LRP8: variants seen among roughly 807,000 people sequenced by gnomAD.
LRP8 encodes the protein low-density lipoprotein receptor-related protein 8.
A neutral mutation model predicts 111.6 loss-of-function variants in LRP8; 46 were observed. The observed-to-expected ratio is 0.41, with a 90% CI of 0.33 to 0.53. The LOEUF is 0.53. LRP8 is among the 20% of genes least tolerant of loss of function. The probability of loss-of-function intolerance (pLI) is 0.20; values close to 1 mark genes in which losing one functional copy is unlikely to be tolerated. For synonymous variants in LRP8, 464 were observed against 511.2 expected, an observed-to-expected ratio of 0.91 and a Z score of 1.24; for missense variants, 959 against 1,297.4, an observed-to-expected ratio of 0.74 and a Z score of 4.01.
At position 53,262,318 on chromosome 1, in the gene LRP8, C is replaced by T. The variant is rs528195207; in HGVS notation, c.1775-111G>A. 225 of 1,530,292 alleles carry T rather than the reference C, an allele frequency of 1.5e-4. No individual in the cohort carries two copies. In the African/African-American group the frequency reaches 1.6e-3, roughly 11 times the overall value. 94.8% of individuals were successfully genotyped at this position (1,530,292 alleles called of 1,614,324 possible). A position where few individuals can be genotyped will look rare whatever the true frequency, so the allele number is the denominator to read the frequency against. ...TAGGCCTCACACTGAGGCCAGCCTACGGCAACCATTAGGAAACAAAGTCAC... is the reference window on the plus strand; with the variant it reads ...TAGGCCTCACACTGAGGCCAGCCTATGGCAACCATTAGGAAACAAAGTCAC... On this transcript the variant is annotated intron_variant, in intron 11 of 18. Transcript: ENST00000306052. The surrounding 1 kb of genome is among the most constrained non-coding windows in gnomAD (Gnocchi z 4.8).
At position 53,266,566 on chromosome 1, in the gene LRP8, AG is replaced by A. The variant is rs1389071561; in HGVS notation, c.1333del (p.Leu445SerfsTer11). The A allele has an allele frequency of 6.2e-7, 1 of 1,614,178 alleles. No homozygotes were observed. The highest frequency in any genetic ancestry group is 1.3e-5 in the African/African-American group (1 of 75,040). Reference protein sequence around the residue: ...IDLVKRNYSRLIPMLKNVVAL... With the variant: ...IDLVKRNYSRXIPMLKNVVAL... ...CACGACATTCTTGAGCATGGGGATG[AG>A]GCGTGAATAGTTCCGCTTCACCAGG... On this transcript the variant is annotated frameshift_variant, in exon 9 of 19. Coordinates refer to ENST00000306052, the MANE Select transcript of LRP8 (RefSeq NM_004631.5). LOFTEE classifies it high-confidence loss of function. The surrounding 1 kb of genome is among the most constrained non-coding windows in gnomAD (Gnocchi z 5.0).
intron 2 of LRP8, among the ~76,000 whole-genome samples, chr1:53,290,530 G>T (rs1209083265): frequency 6.6e-6 from 1 of 152,152 alleles, no homozygotes; most frequent in Non-Finnish European, 1.5e-5. Flanking sequence ...CTGAAGGAAT[G>T]GGGTTCTGTG....
At chr1:53,324,290 T>G (rs1419684272) in intron 2 of LRP8, among the ~76,000 whole-genome samples, 1 of 152,188 alleles carries the variant, frequency 6.6e-6, no homozygotes, top group Non-Finnish European at 1.5e-5. Flanking sequence ...TGGCCTAGAA[T>G]GCGGGAAGGG....
chr1:53,319,904 C>T (rs1329159102), intron 2 of LRP8, among the ~76,000 whole-genome samples: 1 of 152,264 alleles, frequency 6.6e-6, no homozygotes, highest in Non-Finnish European at 1.5e-5. Context: ...CTGCAAGCCA[C>T]ACTTTACTGT....
chr1:53,285,766 C>T (rs1647444071), intron 3 of LRP8, among the ~76,000 whole-genome samples: 2 of 152,214 alleles, frequency 1.3e-5, no homozygotes, highest in African/African-American at 4.8e-5. Flanking sequence ...AGGACAGCCA[C>T]TCCCTCTGTG....
intron 2 of LRP8, among the ~76,000 whole-genome samples, chr1:53,311,671 T>C (rs554990119): frequency 6.0e-5 from 9 of 149,990 alleles, no homozygotes; most frequent in African/African-American, 2.2e-4. Flanking sequence ...TTCTCTTCCA[T>C]CTGTCTCCAT....
chr1:53,257,143 T>TTCAGCTCTGGTAGG lies in LRP8; in HGVS notation c.2434+83_2434+96dup, dbSNP rs1646123931. On this transcript the variant is annotated intron_variant, in intron 15 of 18. Coordinates refer to ENST00000306052, the MANE Select transcript of LRP8 (RefSeq NM_004631.5). ...GTAACCTCCTCAAAGATATGCAGTATTCAGCTCTGGTAGGTTCTGTCTTAT... is the reference window on the plus strand; with the variant it reads ...GTAACCTCCTCAAAGATATGCAGTATTCAGCTCTGGTAGGTCAGCTCTGGTAGGTTCTGTCTTAT... The TTCAGCTCTGGTAGG allele has an allele frequency of 4.6e-6, 5 of 1,090,176 alleles. No individual in the cohort carries two copies. The South Asian group carries it at 7.0e-5, about 15-fold the overall frequency. 67.5% of individuals were successfully genotyped at this position (1,090,176 alleles called of 1,614,324 possible). A position where few individuals can be genotyped will look rare whatever the true frequency, so the allele number is the denominator to read the frequency against.
intron 9 of LRP8, among the ~76,000 whole-genome samples, chr1:53,264,935 C>T (rs10736389): frequency 0.38 from 58,407 of 151,846 alleles, 11,989 homozygotes; most frequent in East Asian, 0.7. Context: ...TTGAGTACCA[C>T]GCCAAGGAAT....
Position 53,243,716 on chromosome 1 carries a change from GTC to G in LRP8, c.*3300_*3301del, listed in dbSNP as rs946567724. On this transcript the variant is annotated 3_prime_UTR_variant, in exon 19 of 19. Transcript: ENST00000306052. ...ATACCTCTGTGTTTTAGCTCGATGTGTCTCTGTCTGAAGCAGCTTGGAATCCC... is the reference window on the plus strand; with the variant it reads ...ATACCTCTGTGTTTTAGCTCGATGTGTCTGTCTGAAGCAGCTTGGAATCCC... The G allele has an allele frequency of 6.6e-6, 1 of 152,130 alleles. No homozygotes were observed. The highest frequency in any genetic ancestry group is 1.5e-5 in the Non-Finnish European group (1 of 68,048). 9.4% of individuals were successfully genotyped at this position (152,130 alleles called of 1,614,324 possible).
intron 2 of LRP8, among the ~76,000 whole-genome samples, chr1:53,290,661 TAG>T (rs1648562092): frequency 6.6e-6 from 1 of 152,166 alleles, no homozygotes; most frequent in Non-Finnish European, 1.5e-5. Flanking sequence ...TACGAGGAAC[TAG>T]AGTTTCCAGA....
In LRP8 at chr1:53,262,614, G is replaced by T; in HGVS notation, c.1656-50C>A. 6.8e-7 allele frequency: 1 copy of T among 1,467,042 alleles called. No homozygotes were observed. Among genetic ancestry groups the T allele is most frequent in the East Asian group, 2.3e-5 (1 of 44,236 alleles). 90.9% of individuals were successfully genotyped at this position (1,467,042 alleles called of 1,614,324 possible). On this transcript the variant is annotated intron_variant, in intron 10 of 18. Transcript: ENST00000306052. The surrounding 1 kb of genome is among the most constrained non-coding windows in gnomAD (Gnocchi z 4.8). ...GCCTTCTTGCTGGGGACATGACCGGGGTGGTCTGAGTCACAAGAGCTCAAT... is the reference window on the plus strand; with the variant it reads ...GCCTTCTTGCTGGGGACATGACCGGTGTGGTCTGAGTCACAAGAGCTCAAT...
chr1:53,286,232 G>A (rs1200162251), intron 3 of LRP8, among the ~76,000 whole-genome samples: 1 of 152,316 alleles, frequency 6.6e-6, no homozygotes, highest in East Asian at 1.9e-4. Context: ...GGCCACCCAA[G>A]GTGCAGAAGG....
chr1:53,272,730 G>A, intron 6 of LRP8: 3 of 1,227,424 alleles, frequency 2.4e-6, no homozygotes, highest in Non-Finnish European at 3.2e-6. Context: ...TCAGACCCTT[G>A]GAGGTGGGCT....
Position 53,249,703 on chromosome 1 carries a change from A to G in LRP8, c.2677-147T>C. 8.6e-7 allele frequency: 1 copy of G among 1,161,816 alleles called. No individual in the cohort carries two copies. Among genetic ancestry groups the G allele is most frequent in the Non-Finnish European group, 1.1e-6 (1 of 871,152 alleles). The allele number at this position is 1,161,816 out of a possible 1,614,324, so 72.0% of individuals were successfully genotyped here. On this transcript the variant is annotated intron_variant, in intron 17 of 18. Transcript: ENST00000306052. This position sits in a 1 kb window ranked among gnomAD's most constrained non-coding sequence, Gnocchi z 4.1. ...GTGTTGTACCTTCAAGCCTTTGCAC[A>G]TGCCTCTATCTGGAATGCCATTTCC...
intron 2 of LRP8, among the ~76,000 whole-genome samples, chr1:53,297,691 C>T (rs749237374): frequency 3.3e-5 from 5 of 152,292 alleles, no homozygotes; most frequent in African/African-American, 2.4e-5. Flanking sequence ...TTGGTGAGGG[C>T]GGCTTTGCTT....
intron 2 of LRP8, among the ~76,000 whole-genome samples, chr1:53,292,335 A>G (rs1648933760): frequency 6.6e-6 from 1 of 152,228 alleles, no homozygotes; most frequent in African/African-American, 2.4e-5. Context: ...TCAGATGGGT[A>G]GATTGAGGCC....
At chr1:53,256,793 A>T (rs1469969007) in intron 15 of LRP8, among the ~76,000 whole-genome samples, 2 of 152,190 alleles carry the variant, frequency 1.3e-5, no homozygotes, top group Non-Finnish European at 2.9e-5. Flanking sequence ...CTATCTGGGG[A>T]CCTGCTGTGA....
At position 53,246,626 on chromosome 1, in the gene LRP8, C is replaced by T. The variant is rs1336177596; in HGVS notation, c.*392G>A. ...ATCTTATTTACAAAAAACAAATGCC[C>T]CAAAACCTAAAAAAGCCCCCCCAGC... On this transcript the variant is annotated 3_prime_UTR_variant, in exon 19 of 19. Transcript: ENST00000306052. The T allele has an allele frequency of 6.1e-6, 1 of 163,446 alleles. No individual in the cohort carries two copies. The highest frequency in any genetic ancestry group is 2.4e-5 in the African/African-American group (1 of 41,544). 10.1% of individuals were successfully genotyped at this position (163,446 alleles called of 1,614,324 possible).
In LRP8 at chr1:53,327,953, G is replaced by GCGC. The variant is rs1002913870; in HGVS notation, c.-44_-42dup. 2.3e-5 allele frequency: 25 copies of GCGC among 1,087,590 alleles called. No homozygotes were observed. The highest frequency in any genetic ancestry group is 2.8e-5 in the Non-Finnish European group (25 of 898,718). 67.4% of individuals were successfully genotyped at this position (1,087,590 alleles called of 1,614,324 possible). A position where few individuals can be genotyped will look rare whatever the true frequency, so the allele number is the denominator to read the frequency against. ...CCGGCCGCCGCGCCCCGCGCTCCCC[G>GCGC]CGCCGCCGCCGCCGCGTCTCAGCCC... is the stretch of plus-strand genomic sequence containing the variant. On this transcript the variant is annotated 5_prime_UTR_variant, in exon 1 of 19. Transcript: ENST00000306052.
Sources: gnomAD v4.1 joint callset for allele counts (sites outside exome capture counted in the v4.1 genomes callset) on GRCh38, gnomAD v4.1.1 for gene constraint, Gnocchi (gnomAD v3.1) non-coding constraint, MANE v1.5 for transcripts, NCBI Gene and HGNC (gene_info 2026-07-23, HGNC 2026-07-21) for gene names.